Variants in POLR1A observed in about 807,000 individuals in gnomAD.
POLR1A encodes the protein DNA-directed RNA polymerase I subunit RPA1.
POLR1A carries 84 observed loss-of-function variants against 205.3 expected under a neutral mutation model. The observed-to-expected ratio is 0.41, with a 90% CI of 0.34 to 0.49. The LOEUF (loss-of-function observed/expected upper bound fraction) is 0.49, where lower values mean the gene tolerates loss of function less well. POLR1A is among the 20% of genes least tolerant of loss of function. The pLI is 0.22. For synonymous variants in POLR1A, 799 were observed against 863.7 expected (o/e 0.93, Z 1.31); for missense variants, 1,645 against 2,204.5 (o/e 0.75, Z 5.08).
chr2:86,071,503 C>T (rs1438475551), intron 12 of POLR1A, among the ~76,000 whole-genome samples: 1 of 152,138 alleles, frequency 6.6e-6, no homozygotes, highest in Admixed American at 6.5e-5. Context: ...GTATGTGATG[C>T]TTCTGTAAAT....
chr2:86,031,596 C>T lies in POLR1A; in HGVS notation c.4312G>A (p.Glu1438Lys), dbSNP rs375456606. ...ESEEEEEREGEENDDEDMQEE... is the reference protein window; with the variant it reads ...ESEEEEEREGKENDDEDMQEE... ...TGCATGTCTTCATCGTCGTTCTCCTCGCCCTCCCTCTCCTCCTCTTCCTCA... is the reference window on the plus strand; with the variant it reads ...TGCATGTCTTCATCGTCGTTCTCCTTGCCCTCCCTCTCCTCCTCTTCCTCA... Residue 1438 changes from glutamate to lysine, a missense_variant, in exon 30 of 34, where the codon GAG becomes AAG. This residue lies in a region of POLR1A where 394 missense variants were observed against 468.5 expected (regional missense o/e 0.84). Transcript: ENST00000263857. 1.6e-5 allele frequency: 26 copies of T among 1,613,110 alleles called. No individual in the cohort carries two copies. The highest frequency in any genetic ancestry group is 1.6e-5 in the Non-Finnish European group (19 of 1,179,242).
Position 86,038,828 on chromosome 2 carries a change from G to A in POLR1A, c.3906C>T (p.Ser1302=), listed in dbSNP as rs1672546147. ...EVLQKIDVQE[S]FCMEEKQNKF... ...TGTTCTGTTTTTCTTCCATACAGAA[G>A]GACTCCTGGACGTCAATTTTCTGCA... The change falls in exon 27 of 34, where the codon TCC becomes TCT. Residue 1302 remains serine (S), a synonymous_variant. Transcript: ENST00000263857. 1.2e-6 allele frequency: 2 copies of A among 1,613,984 alleles called. No homozygotes were observed. Among genetic ancestry groups the A allele is most frequent in the Non-Finnish European group, 1.7e-6 (2 of 1,180,004 alleles).
At position 86,041,199 on chromosome 2, in the gene POLR1A, A is replaced by AGCTACAGT. The variant is rs1407117083; in HGVS notation, c.3573-648_3573-641dup. On this transcript the variant is annotated intron_variant, in intron 24 of 33. Coordinates refer to ENST00000263857, the MANE Select transcript of POLR1A (RefSeq NM_015425.6). ...TGTGTGTGTGTGTGTGTGCGCGCTGAGCTACAGTGTCTGTGTGTGTGTGTG... is the reference window on the plus strand; with the variant it reads ...TGTGTGTGTGTGTGTGTGCGCGCTGAGCTACAGTGCTACAGTGTCTGTGTGTGTGTGTG... Among the ~76,000 whole-genome samples, 277 of 104,752 alleles carry AGCTACAGT rather than the reference A, an allele frequency of 2.6e-3. 1 individual carries two copies. The highest frequency in any genetic ancestry group is 4.4e-3 in the Non-Finnish European group (231 of 52,392). The allele number at this position is 104,752 out of a possible 152,430, so 68.7% of individuals were successfully genotyped here. A position where few individuals can be genotyped will look rare whatever the true frequency, so the allele number is the denominator to read the frequency against.
chr2:86,037,294 C>T (rs1029406311), intron 27 of POLR1A, among the ~76,000 whole-genome samples: 1 of 152,262 alleles, frequency 6.6e-6, no homozygotes, highest in Non-Finnish European at 1.5e-5. Flanking sequence ...CAGCCAACAA[C>T]AACTTCACCC....
chr2:86,049,064 A>G, intron 17 of POLR1A, 22 bp from the exon 18 acceptor site: 1 of 1,614,122 alleles, frequency 6.2e-7, no homozygotes, highest in Non-Finnish European at 8.5e-7. Context: ...ACAGAAACAC[A>G]GCGGAGGCTG....
In POLR1A at chr2:86,030,352, G is replaced by A. The variant is rs371280239; in HGVS notation, c.4623C>T (p.Ser1541=). ...LPLMKINFDM[S]SLVVSLAHGA... ...CATGGGCCAAAGATACTACCAGGGA[G>A]CTCATGTCAAAGTTGATCTTCATCA... Residue 1541 remains serine, a synonymous_variant, in exon 31 of 34, where the codon AGC becomes AGT. Coordinates refer to ENST00000263857, the MANE Select transcript of POLR1A (RefSeq NM_015425.6). The A allele has an allele frequency of 1.9e-6, 3 of 1,613,990 alleles. No homozygotes were observed. The African/African-American group carries it at 4.0e-5, about 22-fold the overall frequency.
In POLR1A at chr2:86,083,188, T is replaced by C; in HGVS notation, c.731-20A>G. 1 of 1,552,146 alleles carries C rather than the reference T, an allele frequency of 6.4e-7. No individual in the cohort carries two copies. On this transcript the variant is annotated intron_variant, in intron 6 of 33. Transcript: ENST00000263857. ...CAATTCCTGGAGCCAAGGAGGAGAA[T>C]CAAAGTGCAATAAATCAGAAACAGG...
At chr2:86,044,010 A>G in intron 22 of POLR1A, 129 bp downstream of exon 22, 1 of 799,228 alleles carries the variant, frequency 1.3e-6, no homozygotes, top group South Asian at 1.7e-5. Flanking sequence ...GGTGTCTTAT[A>G]AACCCTTCCC....
chr2:86,103,504 C>T (rs973109088), intron 1 of POLR1A, among the ~76,000 whole-genome samples: 1 of 152,184 alleles, frequency 6.6e-6, no homozygotes. Flanking sequence ...TGAAATGTCT[C>T]AACTCTAAAC....
intron 16 of POLR1A, among the ~76,000 whole-genome samples, chr2:86,051,622 C>T (rs1420558953): frequency 1.3e-5 from 2 of 152,212 alleles, no homozygotes; most frequent in Non-Finnish European, 2.9e-5. Flanking sequence ...TCTCGCGTCC[C>T]CCTAACGCGA....
chr2:86,078,719 T>C (rs1177989158), intron 9 of POLR1A, among the ~76,000 whole-genome samples: 1 of 152,200 alleles, frequency 6.6e-6, no homozygotes, highest in Non-Finnish European at 1.5e-5. Flanking sequence ...TCCAAACCAA[T>C]TACAAACATG....
rs1673164820 is a variant in POLR1A, at chr2:86,070,821, G to A, written c.1612-549C>T. 1.3e-5 allele frequency among the ~76,000 whole-genome samples: 2 copies of A among 151,990 alleles called. No individual in the cohort carries two copies. The highest frequency in any genetic ancestry group is 1.3e-4 in the Admixed American group (2 of 15,270). On this transcript the variant is annotated intron_variant, in intron 12 of 33. Coordinates refer to ENST00000263857, the MANE Select transcript of POLR1A (RefSeq NM_015425.6). This position sits in a 1 kb window ranked among gnomAD's most constrained non-coding sequence, Gnocchi z 4.4. ...GTTCTTAGTTAGTTCAATGCCCTCA[G>A]AGAACACTTTATTGCACTTCAAAAA...
At chr2:86,090,386 CAA>C (rs56810530) in intron 3 of POLR1A, among the ~76,000 whole-genome samples, 57,475 of 93,976 alleles carry the variant, frequency 0.61, 16,760 homozygotes, top group Middle Eastern at 0.75. Flanking sequence ...GACACCATCT[CAA>C]AAAAAAAAAA....
intron 8 of POLR1A, 86 bp from the exon 9 acceptor site, chr2:86,081,064 G>T: frequency 8.1e-7 from 1 of 1,236,690 alleles, no homozygotes; most frequent in South Asian, 1.4e-5. Flanking sequence ...CTACTGTAGG[G>T]AGCACACCCC....
Position 86,069,983 on chromosome 2 carries a change from C to T in POLR1A, c.1866+35G>A, listed in dbSNP as rs192408196. 5.8e-4 allele frequency: 921 copies of T among 1,595,900 alleles called. 4 individuals are homozygous for T. Among genetic ancestry groups the T allele is most frequent in the Non-Finnish European group, 4.0e-4 (465 of 1,171,010 alleles). ...ACTTAAAAGTGCTAAGTCATGCTGA[C>T]GATGACCACGGAACAGCCTCAAGGC... On this transcript the variant is annotated intron_variant, in intron 13 of 33. Transcript: ENST00000263857.
intron 25 of POLR1A, 36 bp downstream of exon 25, chr2:86,040,356 G>T: frequency 6.5e-7 from 1 of 1,534,934 alleles, no homozygotes; most frequent in Non-Finnish European, 8.8e-7. Context: ...GAGAGGCTAG[G>T]ACAGACCCCA....
chr2:86,074,236 T>C (rs753636656), intron 12 of POLR1A, among the ~76,000 whole-genome samples: 9 of 151,944 alleles, frequency 5.9e-5, no homozygotes, highest in Non-Finnish European at 8.8e-5. Flanking sequence ...GTGAACTCAG[T>C]GTTAAAGAAG....
chr2:86,053,984 G>A (rs1672852372), intron 15 of POLR1A, among the ~76,000 whole-genome samples, 156 bp downstream of exon 15: 2 of 152,142 alleles, frequency 1.3e-5, no homozygotes, highest in Admixed American at 6.5e-5. Flanking sequence ...GAACCCTTCC[G>A]AAACAAAAGC....
intron 11 of POLR1A, 39 bp from the exon 12 acceptor site, chr2:86,075,299 A>AT: frequency 3.5e-6 from 5 of 1,445,238 alleles, no homozygotes; most frequent in Non-Finnish European, 4.8e-6. Context: ...CAGGGCAGGG[A>AT]TAAAAAAAGG....
Sources: allele counts gnomAD v4.1 joint callset (sites outside exome capture counted in the v4.1 genomes callset), GRCh38; gene constraint gnomAD v4.1.1; regional missense constraint gnomAD v4.1.1; non-coding constraint Gnocchi (gnomAD v3.1); transcripts MANE v1.5; gene names NCBI Gene and HGNC (gene_info 2026-07-23, HGNC 2026-07-21).